TTC17: variants seen among roughly 807,000 people sequenced by gnomAD.
The protein encoded by TTC17 is tetratricopeptide repeat domain 17, also known as tetratricopeptide repeat protein 17.
TTC17 carries 58 observed loss-of-function variants against 143.8 expected under a neutral mutation model. The ratio of observed to expected loss-of-function variants is 0.40; its 90% CI spans 0.33 to 0.50. The LOEUF is 0.50. Among genes scored for constraint, TTC17 ranks in the 20% least tolerant of loss-of-function variants. The pLI, the probability that TTC17 is intolerant of heterozygous loss-of-function variation, is 0.49. For synonymous variants in TTC17, 501 were observed against 497.8 expected, an observed-to-expected ratio of 1.01 and a Z score of -0.09; for missense variants, 1,273 against 1,392.5, an observed-to-expected ratio of 0.91 and a Z score of 1.37.
In TTC17 at chr11:43,404,045, TG is replaced by T; in HGVS notation, c.1381del (p.Val461PhefsTer17). On this transcript the variant is annotated frameshift_variant, in exon 11 of 24. Coordinates refer to ENST00000039989, the MANE Select transcript of TTC17 (RefSeq NM_018259.6). LOFTEE classifies it high-confidence loss of function. ...TSSMMSVNFD[V>X]QSNQSDINDS... ...CCAGTATGATGTCTGTGAACTTTGA[TG>T]TTCAATCAAATCAGAGTGATATCAA... The T allele has an allele frequency of 6.2e-7, 1 of 1,612,750 alleles. No individual in the cohort carries two copies. The highest frequency in any genetic ancestry group is 8.5e-7 in the Non-Finnish European group (1 of 1,179,280).
At chr11:43,466,474 A>G (rs750026569) in intron 21 of TTC17, 9 of 170,930 alleles carry the variant, frequency 5.3e-5, no homozygotes, top group South Asian at 2.9e-4. Context: ...TTTGCAGACA[A>G]ATTTCCAAAG....
chr11:43,463,648 T>A (rs1340537115), intron 21 of TTC17, among the ~76,000 whole-genome samples: 2 of 152,222 alleles, frequency 1.3e-5, no homozygotes, highest in East Asian at 3.8e-4. Flanking sequence ...TAGTTTGTCA[T>A]TTTAATGCAA....
intron 21 of TTC17, among the ~76,000 whole-genome samples, chr11:43,457,156 A>T (rs1292064237): frequency 6.6e-6 from 1 of 152,020 alleles, no homozygotes; most frequent in African/African-American, 2.4e-5. Context: ...TTCTGATTAG[A>T]TCTAGATTAG....
intron 10 of TTC17, among the ~76,000 whole-genome samples, chr11:43,402,333 C>A (rs973255086): frequency 1.4e-4 from 22 of 152,244 alleles, no homozygotes; most frequent in Admixed American, 6.5e-4. Flanking sequence ...ATTGCCTCAA[C>A]CAATACCACC....
At chr11:43,383,082 A>G (rs1440581629) in intron 2 of TTC17, among the ~76,000 whole-genome samples, 2 of 151,676 alleles carry the variant, frequency 1.3e-5, no homozygotes, top group Non-Finnish European at 2.9e-5. Flanking sequence ...TTTTTTGTAG[A>G]GACAGCGTCT....
At chr11:43,372,252 G>A (rs762571877) in intron 1 of TTC17, among the ~76,000 whole-genome samples, 11 of 151,420 alleles carry the variant, frequency 7.3e-5, no homozygotes, top group Non-Finnish European at 1.3e-4. Flanking sequence ...TTAACCTAAC[G>A]GTTTTCTTTC....
At chr11:43,409,505 G>T (rs542832092) in intron 15 of TTC17, among the ~76,000 whole-genome samples, 6 of 152,212 alleles carry the variant, frequency 3.9e-5, no homozygotes, top group African/African-American at 1.2e-4. Context: ...CAATTTTTTT[G>T]ATTGTTTACT....
At chr11:43,422,992 T>C (rs1946942729) in intron 16 of TTC17, among the ~76,000 whole-genome samples, 1 of 152,216 alleles carries the variant, frequency 6.6e-6, no homozygotes, top group African/African-American at 2.4e-5. Flanking sequence ...TAGGGCTAAC[T>C]GTAGAAGCAG....
chr11:43,461,585 A>G (rs1168975284), intron 21 of TTC17, among the ~76,000 whole-genome samples: 1 of 152,170 alleles, frequency 6.6e-6, no homozygotes, highest in Admixed American at 6.5e-5. Flanking sequence ...TGAAAAAGTA[A>G]AGGAAGTTTA....
At chr11:43,474,306 T>C (rs1052527111) in intron 21 of TTC17, among the ~76,000 whole-genome samples, 4 of 152,214 alleles carry the variant, frequency 2.6e-5, no homozygotes, top group African/African-American at 9.6e-5. Flanking sequence ...ATACTATTTA[T>C]CTTTTTTAAA....
chr11:43,415,778 G>A (rs199552831), intron 16 of TTC17, among the ~76,000 whole-genome samples: 1 of 152,112 alleles, frequency 6.6e-6, no homozygotes, highest in Non-Finnish European at 1.5e-5. Flanking sequence ...AAATATCAAA[G>A]CCCAATTATT....
chr11:43,378,192 C>T (rs955860680), intron 1 of TTC17, among the ~76,000 whole-genome samples: 2 of 152,142 alleles, frequency 1.3e-5, no homozygotes, highest in Non-Finnish European at 2.9e-5. Context: ...CATAAGCCAC[C>T]GCGCCCAGCC....
intron 1 of TTC17, 56 bp downstream of exon 1, chr11:43,359,169 C>G: frequency 6.7e-7 from 1 of 1,483,406 alleles, no homozygotes; most frequent in African/African-American, 1.5e-5. Context: ...GGGGGGATTA[C>G]CCTGCTTGGC....
chr11:43,450,295 A>G (rs1218891991), intron 20 of TTC17, 54 bp downstream of exon 20: 13 of 1,559,644 alleles, frequency 8.3e-6, no homozygotes, highest in Non-Finnish European at 1.0e-5. Context: ...TAGGATGCAC[A>G]TTGATACTAC....
chr11:43,370,246 C>G (rs77147762), intron 1 of TTC17: 2 of 338,892 alleles, frequency 5.9e-6, no homozygotes, highest in African/African-American at 4.3e-5. Context: ...TTTCTGCCTG[C>G]GTCATTCCAT....
chr11:43,389,630 G>C, intron 2 of TTC17, 22 bp from the exon 3 acceptor site: 1 of 1,594,556 alleles, frequency 6.3e-7, no homozygotes, highest in South Asian at 1.1e-5. Context: ...AATCCATTCT[G>C]TTCTTACTTT....
intron 9 of TTC17, among the ~76,000 whole-genome samples, 153 bp from the exon 10 acceptor site, chr11:43,401,293 T>G (rs1857841965): frequency 6.6e-6 from 1 of 152,240 alleles, no homozygotes; most frequent in South Asian, 2.1e-4. Flanking sequence ...GATTAACCAT[T>G]AATGAATATT....
chr11:43,491,280 A>T (rs1948470774), intron 22 of TTC17: 1 of 152,178 alleles, frequency 6.6e-6, no homozygotes, highest in African/African-American at 2.4e-5. Flanking sequence ...ACAGTTGCTC[A>T]AGTTAGACAT....
chr11:43,361,862 T>G (rs1856118023), intron 1 of TTC17, among the ~76,000 whole-genome samples: 1 of 152,194 alleles, frequency 6.6e-6, no homozygotes, highest in Non-Finnish European at 1.5e-5. Flanking sequence ...ACATACCTTT[T>G]GAGAACCTTT....
Sources: gnomAD v4.1 joint callset for allele counts (sites outside exome capture counted in the v4.1 genomes callset) on GRCh38, gnomAD v4.1.1 for gene constraint, MANE v1.5 for transcripts, NCBI Gene and HGNC (gene_info 2026-07-23, HGNC 2026-07-21) for gene names.